Variants in CEP126 observed in about 807,000 individuals in gnomAD.
The protein encoded by CEP126 is centrosomal protein of 126 kDa.
Under a neutral mutation model 107.8 loss-of-function variants are expected in CEP126, and 74 were observed. The ratio of observed to expected loss-of-function variants is 0.69; its 90% CI spans 0.57 to 0.83. CEP126 has a LOEUF of 0.83. CEP126 is among the 40% of genes least tolerant of loss of function. The probability of loss-of-function intolerance (pLI) is 0.00; values close to 1 mark genes in which losing one functional copy is unlikely to be tolerated. For missense variants in CEP126, 1,237 were observed against 1,281.9 expected (o/e 0.96, Z 0.53); for synonymous variants, 449 against 446.0 (o/e 1.01, Z -0.08).
At chr11:101,964,826 A>G (rs1235009582) in intron 6 of CEP126, among the ~76,000 whole-genome samples, 1 of 152,222 alleles carries the variant, frequency 6.6e-6, no homozygotes, top group Non-Finnish European at 1.5e-5. Flanking sequence ...TTCTGTCATT[A>G]CTATTGTAGT....
intron 2 of CEP126, among the ~76,000 whole-genome samples, chr11:101,943,410 A>C (rs547895577): frequency 3.3e-5 from 5 of 152,066 alleles, no homozygotes; most frequent in African/African-American, 1.2e-4. Flanking sequence ...TAAAAATTCT[A>C]AAAGAGTTCT....
intron 8 of CEP126, among the ~76,000 whole-genome samples, chr11:101,984,535 G>C (rs961438943): frequency 6.6e-6 from 1 of 152,180 alleles, no homozygotes; most frequent in Non-Finnish European, 1.5e-5. Context: ...TCTGAATTAA[G>C]ATGATTGTGA....
At chr11:101,916,176 G>C (rs1237075450) in intron 1 of CEP126, 2 of 152,244 alleles carry the variant, frequency 1.3e-5, no homozygotes, top group Admixed American at 6.5e-5. Flanking sequence ...TGATGGTGTT[G>C]TGTAATCATC....
At position 101,960,975 on chromosome 11, in the gene CEP126, ATAT is replaced by A. The variant is rs2137110744; in HGVS notation, c.706-760_706-758del. 2.0e-5 allele frequency among the ~76,000 whole-genome samples: 3 copies of A among 152,262 alleles called. No individual in the cohort carries two copies. The South Asian group carries it at 6.2e-4, about 32-fold the overall frequency. ...TACCATACATTGAAGTAATTTTGAA[ATAT>A]TATTAAAGACTGACAAATTTCATGT... On this transcript the variant is annotated intron_variant, in intron 5 of 10. Coordinates refer to ENST00000263468, the MANE Select transcript of CEP126 (RefSeq NM_020802.4).
intron 6 of CEP126, among the ~76,000 whole-genome samples, chr11:101,971,835 G>A (rs949719550): frequency 1.3e-5 from 2 of 152,246 alleles, no homozygotes; most frequent in African/African-American, 4.8e-5. Flanking sequence ...GCGGCCAGGT[G>A]CCGTGGCTCA....
intron 6 of CEP126, among the ~76,000 whole-genome samples, chr11:101,973,516 G>A (rs1378365474): frequency 1.3e-5 from 2 of 152,166 alleles, no homozygotes; most frequent in African/African-American, 4.8e-5. Flanking sequence ...GAGTCTTGGA[G>A]TGGGGAGGGG....
At chr11:101,985,700 G>C (rs1453176148) in intron 8 of CEP126, among the ~76,000 whole-genome samples, 1 of 152,072 alleles carries the variant, frequency 6.6e-6, no homozygotes, top group Non-Finnish European at 1.5e-5. Context: ...TTTTGGACAA[G>C]GAATACTTAA....
Position 101,972,116 on chromosome 11 carries a change from A to C in CEP126, c.2846-6231A>C, listed in dbSNP as rs371931877. On this transcript the variant is annotated intron_variant, in intron 6 of 10. Coordinates refer to ENST00000263468, the MANE Select transcript of CEP126 (RefSeq NM_020802.4). ...GAGCAAGACCCAGTCTCCAAAAAAAATGAAATAAAATAAGAAAGAAAAGAA... is the reference window on the plus strand; with the variant it reads ...GAGCAAGACCCAGTCTCCAAAAAAACTGAAATAAAATAAGAAAGAAAAGAA... 2.0e-4 allele frequency among the ~76,000 whole-genome samples: 30 copies of C among 151,284 alleles called. No individual in the cohort carries two copies. In the East Asian group the frequency reaches 4.5e-3, roughly 23 times the overall value.
intron 6 of CEP126, among the ~76,000 whole-genome samples, chr11:101,965,970 T>C (rs574100136): frequency 2.6e-5 from 4 of 152,262 alleles, no homozygotes; most frequent in African/African-American, 9.6e-5. Context: ...ACTTATAGTT[T>C]CCCAATAGCT....
chr11:101,996,781 A>C (rs1941446471), intron 10 of CEP126, among the ~76,000 whole-genome samples: 3 of 152,178 alleles, frequency 2.0e-5, no homozygotes, highest in Admixed American at 2.0e-4. Context: ...AAAACTGGAG[A>C]GGGAAGCAGG....
intron 2 of CEP126, among the ~76,000 whole-genome samples, chr11:101,923,955 GTGTC>G (rs1385592258): frequency 1.3e-5 from 2 of 152,144 alleles, no homozygotes; most frequent in Admixed American, 6.5e-5. Context: ...AAAAATATCA[GTGTC>G]TGACACATAG....
intron 2 of CEP126, among the ~76,000 whole-genome samples, chr11:101,943,213 C>A (rs1040226697): frequency 1.2e-4 from 18 of 151,876 alleles, no homozygotes; most frequent in African/African-American, 4.1e-4. Flanking sequence ...AGCTAAAAAT[C>A]TTCTCCCCCA....
At chr11:101,988,019 A>T (rs1437848872) in intron 9 of CEP126, among the ~76,000 whole-genome samples, 9 of 152,324 alleles carry the variant, frequency 5.9e-5, no homozygotes, top group Non-Finnish European at 1.3e-4. Flanking sequence ...CCAAGAAAAA[A>T]AATCAAAAGA....
At chr11:101,967,020 TC>T (rs1591287361) in intron 6 of CEP126, among the ~76,000 whole-genome samples, 1 of 145,236 alleles carries the variant, frequency 6.9e-6, no homozygotes, top group Admixed American at 6.9e-5. Flanking sequence ...ATCATCTCTT[TC>T]TTTCTTTTTT....
chr11:101,948,037 G>T lies in CEP126; in HGVS notation c.401G>T (p.Arg134Leu), dbSNP rs549081062. 1.0e-5 allele frequency: 16 copies of T among 1,605,144 alleles called. No individual in the cohort carries two copies. Among genetic ancestry groups the T allele is most frequent in the Admixed American group, 1.7e-5 (1 of 59,756 alleles). The change falls in exon 4 of 11, where the codon CGA (arginine) becomes CTA (leucine). Residue 134 changes from arginine to leucine, a missense_variant. Coordinates refer to ENST00000263468, the MANE Select transcript of CEP126 (RefSeq NM_020802.4). ...PLSQRRKAVS[R>L]KPVPPLEEAL... The stretch of plus-strand genomic sequence containing the variant: ...GTCTTTATTATCTCTTTAGTTTCCC[G>T]AAAACCAGTTCCTCCATTAGAAGAG...
At chr11:101,971,862 A>G (rs1941133001) in intron 6 of CEP126, among the ~76,000 whole-genome samples, 1 of 152,218 alleles carries the variant, frequency 6.6e-6, no homozygotes, top group Non-Finnish European at 1.5e-5. Context: ...TAATTCCAGC[A>G]CTTTGGGATG....
rs573050647 is a variant in CEP126, at chr11:101,920,358, T to A, written c.129-2283T>A. 9.8e-5 allele frequency among the ~76,000 whole-genome samples: 15 copies of A among 152,312 alleles called. No homozygotes were observed. The South Asian group carries it at 2.1e-3, about 21-fold the overall frequency. ...AATTATGTACCGCATAGTTTATTAT[T>A]GAGTGTATTTCTAGTATTCTGTTTT... is the stretch of plus-strand genomic sequence containing the variant. On this transcript the variant is annotated intron_variant, in intron 1 of 10. Coordinates refer to ENST00000263468, the MANE Select transcript of CEP126 (RefSeq NM_020802.4).
At chr11:101,957,053 G>GAC (rs1254120009) in intron 4 of CEP126, 2 of 272,294 alleles carry the variant, frequency 7.3e-6, no homozygotes, top group African/African-American at 4.6e-5. Flanking sequence ...AAAAGGAAGA[G>GAC]ACAGAAACAT....
chr11:101,927,390 CAG>C (rs374467183), intron 2 of CEP126, among the ~76,000 whole-genome samples: 3 of 152,104 alleles, frequency 2.0e-5, no homozygotes, highest in Non-Finnish European at 4.4e-5. Flanking sequence ...AAAAATAAAA[CAG>C]AGAGATTCCA....
Sources: allele counts gnomAD v4.1 joint callset (sites outside exome capture counted in the v4.1 genomes callset), GRCh38; gene constraint gnomAD v4.1.1; transcripts MANE v1.5; gene names NCBI Gene and HGNC (gene_info 2026-07-23, HGNC 2026-07-21).